RPL31: variants seen among roughly 807,000 people sequenced by gnomAD.
RPL31 encodes large ribosomal subunit protein eL31.
For missense variants in RPL31, 95 were observed against 164.0 expected (o/e 0.58, Z 2.30); for synonymous variants, 51 against 55.0 (o/e 0.93, Z 0.32).
intron 4 of RPL31, 40 bp from the exon 5 acceptor site, chr2:101,006,310 G>T: frequency 6.3e-7 from 1 of 1,597,344 alleles, no homozygotes; most frequent in Non-Finnish European, 8.5e-7. Context: ...AATATGAAAT[G>T]TGATGTGGGT....
downstream of RPL31, among the ~76,000 whole-genome samples, chr2:101,009,821 C>CATT (rs144990163): frequency 3.0e-4 from 40 of 134,252 alleles, 3 homozygotes; most frequent in African/African-American, 7.8e-4. Flanking sequence ...AAAAAAGGAG[C>CATT]TTTTTCTTTT....
chr2:101,008,294 AG>A (rs1197649922), downstream of RPL31: 2 of 1,497,336 alleles, frequency 1.3e-6, no homozygotes, highest in Non-Finnish European at 1.8e-6. Flanking sequence ...AATAAGTCTT[AG>A]GTAGCAGCAG....
chr2:101,004,331 G>A, intron 3 of RPL31, 48 bp downstream of exon 3: 1 of 1,606,674 alleles, frequency 6.2e-7, no homozygotes, highest in Non-Finnish European at 8.5e-7. Flanking sequence ...AATGACACCA[G>A]CTTCACTTAA....
At chr2:101,008,551 C>T (rs1558962802), downstream of RPL31, among the ~76,000 whole-genome samples, 1 of 152,070 alleles carries the variant, frequency 6.6e-6, no homozygotes, top group Non-Finnish European at 1.5e-5. Flanking sequence ...ACAGTGGCTC[C>T]CGCCTGTAAT....
Position 101,006,356 on chromosome 2 carries a change from A to G in RPL31, c.353A>G (p.Gln118Arg), listed in dbSNP as rs898166489. 1 of 1,610,672 alleles carries G rather than the reference A, an allele frequency of 6.2e-7. No homozygotes were observed. The highest frequency in any genetic ancestry group is 1.7e-5 in the Admixed American group (1 of 58,972). ...YVPVTTFKNLQTVNVDEN is the reference protein window; with the variant it reads ...YVPVTTFKNLRTVNVDEN ...ACTGTTACTTCCTTTACAGATCTAC[A>G]GACAGTCAATGTGGATGAGAACTAA... Residue 118 changes from glutamine (Q) to arginine (R), a missense_variant, in exon 5 of 5, where the codon CAG becomes CGG. Gln to Arg is a conservative substitution (Grantham distance 43). Transcript: ENST00000264258.
chr2:101,012,727 G>A (rs1403613660), intron 4 of RPL31, among the ~76,000 whole-genome samples: 2 of 152,156 alleles, frequency 1.3e-5, no homozygotes, highest in African/African-American at 4.8e-5. Context: ...AATTATCGGG[G>A]ATGACAGGGA....
downstream of RPL31, among the ~76,000 whole-genome samples, chr2:101,007,460 C>T (rs965152202): frequency 6.6e-6 from 1 of 152,156 alleles, no homozygotes; most frequent in Non-Finnish European, 1.5e-5. Context: ...CATTGTCACT[C>T]CAAGTGAAAA....
intron 4 of RPL31, among the ~76,000 whole-genome samples, chr2:101,015,097 C>T (rs1251355046): frequency 6.6e-6 from 1 of 152,190 alleles, no homozygotes; most frequent in Non-Finnish European, 1.5e-5. Context: ...TACTACACAC[C>T]TCGCCTATAA....
downstream of RPL31, among the ~76,000 whole-genome samples, chr2:101,008,458 A>G (rs1193811860): frequency 6.6e-6 from 1 of 152,212 alleles, no homozygotes; most frequent in East Asian, 1.9e-4. Flanking sequence ...GAATTTCAGC[A>G]CAGACTTGGA....
chr2:101,017,388 T>C (rs890134057), intron 4 of RPL31, among the ~76,000 whole-genome samples: 1 of 152,224 alleles, frequency 6.6e-6, no homozygotes, highest in Non-Finnish European at 1.5e-5. Context: ...TGTAATTTTA[T>C]ATGCTATACT....
chr2:101,018,039 T>C, intron 4 of RPL31: 1 of 1,066,630 alleles, frequency 9.4e-7, no homozygotes, highest in Non-Finnish European at 1.4e-6. Flanking sequence ...ATCAACCCCT[T>C]TTTCACTGAC....
chr2:101,017,923 G>A, intron 4 of RPL31: 6 of 1,550,674 alleles, frequency 3.9e-6, no homozygotes, highest in Non-Finnish European at 5.2e-6. Flanking sequence ...AACAAGAAGA[G>A]GAAAGCAAAT....
downstream of RPL31, among the ~76,000 whole-genome samples, chr2:101,009,396 A>ACT (rs756017736): frequency 7.1e-6 from 1 of 141,364 alleles, no homozygotes; most frequent in Non-Finnish European, 1.5e-5. Context: ...ACAGAGTGAG[A>ACT]CTCTGTCTCC....
exon 5 of RPL31, chr2:101,019,334 T>A: frequency 3.7e-6 from 1 of 267,606 alleles, no homozygotes; most frequent in Non-Finnish European, 7.0e-6. Flanking sequence ...AAAACTTTCA[T>A]TTCGTAACTA....
intron 1 of RPL31, 28 bp from the exon 2 acceptor site, chr2:101,002,674 T>C (rs773803866): frequency 6.4e-6 from 10 of 1,573,098 alleles, no homozygotes; most frequent in Admixed American, 3.3e-5. Context: ...TAAACTCTGC[T>C]CTGAGCCTCC....
chr2:101,003,426 CCCCGCCACCA>C (rs1337543048), intron 2 of RPL31, among the ~76,000 whole-genome samples: 3 of 152,116 alleles, frequency 2.0e-5, no homozygotes, highest in African/African-American at 7.2e-5. Flanking sequence ...GATTACCGGA[CCCCGCCACCA>C]CACCTGGCCC....
At chr2:101,002,648 C>T (rs1163662553) in intron 1 of RPL31, 54 bp from the exon 2 acceptor site, 2 of 1,441,154 alleles carry the variant, frequency 1.4e-6, no homozygotes, top group African/African-American at 2.8e-5. Context: ...GGAGGGAGGA[C>T]TTGGCTTGAG....
At chr2:101,006,105 C>A in intron 4 of RPL31, 34 bp downstream of exon 4, 1 of 1,602,908 alleles carries the variant, frequency 6.2e-7, no homozygotes, top group South Asian at 1.1e-5. Context: ...CATTTAAATT[C>A]ATTAGAAAAA....
exon 5 of RPL31, chr2:101,019,222 G>A: frequency 1.7e-6 from 1 of 597,628 alleles, no homozygotes. Context: ...TTCTGCCCTT[G>A]CCTCTTCGAC....
Sources: allele counts gnomAD v4.1 joint callset (sites outside exome capture counted in the v4.1 genomes callset), GRCh38; gene constraint gnomAD v4.1.1; transcripts MANE v1.5; gene names NCBI Gene and HGNC (gene_info 2026-07-23, HGNC 2026-07-21).